The following AFF1 variants were observed in gnomAD, a reference collection of about 807,000 sequenced individuals.
AFF1 encodes ALF transcription elongation factor 1.
In AFF1, 48 loss-of-function variants were observed where a neutral mutation model predicts 121.7. That is an observed-to-expected ratio of 0.39 (90% CI 0.31 to 0.50). AFF1 has a LOEUF of 0.50. Ranked by LOEUF, AFF1 falls within the 20% of genes least tolerant of loss-of-function variation. The pLI is 0.76. For missense variants in AFF1, 1,523 were observed against 1,511.7 expected (o/e 1.01, Z -0.12); for synonymous variants, 613 against 563.0 (o/e 1.09, Z -1.26).
chr4:87,024,730 A>G (rs1166484538), intron 2 of AFF1, among the ~76,000 whole-genome samples: 6 of 152,110 alleles, frequency 3.9e-5, no homozygotes. Flanking sequence ...CTGGGATTAC[A>G]GGTGCCCACC....
intron 4 of AFF1, among the ~76,000 whole-genome samples, chr4:87,062,510 C>T (rs1720885242): frequency 6.6e-6 from 1 of 151,874 alleles, no homozygotes; most frequent in South Asian, 2.1e-4. Flanking sequence ...GTTATCGATG[C>T]TTTTTTCAGC....
intron 2 of AFF1, among the ~76,000 whole-genome samples, chr4:87,014,459 A>C (rs1315361250): frequency 6.6e-6 from 1 of 152,262 alleles, no homozygotes; most frequent in South Asian, 2.1e-4. Flanking sequence ...AATGTTCAAC[A>C]AGACATTTTA....
Position 87,136,650 on chromosome 4 carries a change from TTAAG to T in AFF1, c.*952_*955del, listed in dbSNP as rs1729324210. ...GGCTAAAGTGCTTTTAAAGTTTTGTTTAAGTAGAGCTGGAATTTGAGGTGCTGAT... is the reference window on the plus strand; with the variant it reads ...GGCTAAAGTGCTTTTAAAGTTTTGTTTAGAGCTGGAATTTGAGGTGCTGAT... On this transcript the variant is annotated 3_prime_UTR_variant, in exon 21 of 21. Coordinates refer to ENST00000395146, the MANE Select transcript of AFF1 (RefSeq NM_001166693.3). 1 of 230,630 alleles carries T rather than the reference TTAAG, an allele frequency of 4.3e-6. No homozygotes were observed. The highest frequency in any genetic ancestry group is 8.6e-6 in the Non-Finnish European group (1 of 116,520). The allele number at this position is 230,630 out of a possible 1,614,324, so 14.3% of individuals were successfully genotyped here. A position where few individuals can be genotyped will look rare whatever the true frequency, so the allele number is the denominator to read the frequency against.
intron 2 of AFF1, among the ~76,000 whole-genome samples, chr4:86,957,996 C>T (rs1721866345): frequency 6.6e-6 from 1 of 152,084 alleles, no homozygotes; most frequent in Non-Finnish European, 1.5e-5. Flanking sequence ...TGGACATTTC[C>T]CTACTTAAAT....
rs116596023 is a variant in AFF1 at position 86,971,353 on chromosome 4, C to T, written c.38+22782C>T. 3.9e-3 allele frequency among the ~76,000 whole-genome samples: 592 copies of T among 152,266 alleles called. 3 individuals carry two copies. Among genetic ancestry groups the T allele is most frequent in the African/African-American group, 0.013 (557 of 41,556 alleles). On this transcript the variant is annotated intron_variant, in intron 2 of 20. Coordinates refer to ENST00000395146, the MANE Select transcript of AFF1 (RefSeq NM_001166693.3). Reference sequence around the variant, plus strand: ...TCTGATCAGTTATTGTGACTGATCTCAGTCTTCTTGCATGAAGATGATGCC... The same window carrying T: ...TCTGATCAGTTATTGTGACTGATCTTAGTCTTCTTGCATGAAGATGATGCC...
intron 2 of AFF1, among the ~76,000 whole-genome samples, chr4:87,026,667 T>G (rs545478376): frequency 6.6e-6 from 1 of 152,298 alleles, no homozygotes; most frequent in South Asian, 2.1e-4. Flanking sequence ...AATGACATGG[T>G]TCCTCAGCAT....
intron 2 of AFF1, among the ~76,000 whole-genome samples, chr4:87,032,625 C>G (rs771556552): frequency 1.8e-4 from 28 of 152,130 alleles, no homozygotes; most frequent in Non-Finnish European, 2.6e-4. Context: ...AATTTTGTCT[C>G]TTTTTATGAA....
intron 7 of AFF1, among the ~76,000 whole-genome samples, chr4:87,093,369 G>C (rs1724509533): frequency 6.6e-6 from 1 of 152,214 alleles, no homozygotes. Flanking sequence ...GTAGGATGAA[G>C]AGGATGGTGG....
intron 2 of AFF1, among the ~76,000 whole-genome samples, chr4:86,990,764 A>G (rs1278526072): frequency 6.6e-6 from 1 of 152,198 alleles, no homozygotes; most frequent in Non-Finnish European, 1.5e-5. Context: ...GAATAAATGC[A>G]TGAGTACTGA....
At chr4:87,082,106 T>C (rs1018767801) in intron 4 of AFF1, among the ~76,000 whole-genome samples, 6 of 152,186 alleles carry the variant, frequency 3.9e-5, no homozygotes, top group African/African-American at 7.2e-5. Flanking sequence ...TTGCCAAATA[T>C]TTTGATTGGA....
intron 2 of AFF1, among the ~76,000 whole-genome samples, chr4:86,977,094 T>C (rs968669951): frequency 1.3e-5 from 2 of 152,218 alleles, no homozygotes; most frequent in African/African-American, 4.8e-5. Flanking sequence ...AACTTGATCA[T>C]GTTTCTGTTT....
intron 4 of AFF1, among the ~76,000 whole-genome samples, chr4:87,052,480 T>C (rs774295453): frequency 5.6e-4 from 85 of 151,712 alleles, no homozygotes; most frequent in Admixed American, 2.5e-3. Context: ...GCTAGAACAC[T>C]GAGAGTGAGG....
At chr4:86,985,691 C>T (rs922629554) in intron 2 of AFF1, among the ~76,000 whole-genome samples, 4 of 151,624 alleles carry the variant, frequency 2.6e-5, no homozygotes, top group African/African-American at 9.7e-5. Flanking sequence ...AATAAATAAA[C>T]AAAAATTAAA....
intron 2 of AFF1, among the ~76,000 whole-genome samples, chr4:86,959,911 T>A (rs2149465882): frequency 6.6e-6 from 1 of 152,254 alleles, no homozygotes; most frequent in African/African-American, 2.4e-5. Context: ...GGAAAGGCAA[T>A]GAATTTTTTT....
intron 2 of AFF1, among the ~76,000 whole-genome samples, chr4:86,979,750 T>G (rs922732144): frequency 6.6e-6 from 1 of 152,204 alleles, no homozygotes; most frequent in Non-Finnish European, 1.5e-5. Flanking sequence ...ACAACATGTC[T>G]TATTGAAAAG....
At chr4:87,125,842 G>A (rs901910557) in intron 13 of AFF1, among the ~76,000 whole-genome samples, 5 of 152,150 alleles carry the variant, frequency 3.3e-5, no homozygotes, top group Admixed American at 1.3e-4. Flanking sequence ...TGAAGCAGGC[G>A]TTCGGAATGG....
intron 8 of AFF1, among the ~76,000 whole-genome samples, chr4:87,099,851 G>T (rs903413163): frequency 6.6e-6 from 1 of 152,192 alleles, no homozygotes; most frequent in Non-Finnish European, 1.5e-5. Flanking sequence ...GAATTCTTTG[G>T]ATAGTAGTTA....
rs78146227 is a variant in AFF1 at position 87,102,617 on chromosome 4, A to G, written c.1284-3011A>G. On this transcript the variant is annotated intron_variant, in intron 8 of 20. Transcript: ENST00000395146. ...CACAGCTACATGATACTGTTATTCA[A>G]CAAAGGGGTCCTATTCATTCAGCCT... 0.012 allele frequency among the ~76,000 whole-genome samples: 1,775 copies of G among 152,310 alleles called. 83 individuals carry two copies. In the East Asian group the frequency reaches 0.14, roughly 12 times the overall value.
At chr4:87,009,979 G>A (rs1331700507) in intron 2 of AFF1, among the ~76,000 whole-genome samples, 1 of 152,196 alleles carries the variant, frequency 6.6e-6, no homozygotes, top group East Asian at 1.9e-4. Context: ...TTTGATTCCT[G>A]ATTTGTTATT....
Sources: allele counts gnomAD v4.1 joint callset (sites outside exome capture counted in the v4.1 genomes callset), GRCh38; gene constraint gnomAD v4.1.1; transcripts MANE v1.5; gene names NCBI Gene and HGNC (gene_info 2026-07-23, HGNC 2026-07-21).